The following DAB1 variants were observed in gnomAD, a reference collection of about 807,000 sequenced individuals.
DAB1 encodes DAB adaptor protein 1, also known as disabled homolog 1.
Under a neutral mutation model 64.6 loss-of-function variants are expected in DAB1, and 15 were observed. The ratio of observed to expected loss-of-function variants is 0.23; its 90% confidence interval spans 0.16 to 0.36. The LOEUF (loss-of-function observed/expected upper bound fraction) is 0.36. Among genes scored for constraint, DAB1 ranks in the 10% least tolerant of loss-of-function variants. The pLI is 1.00. For missense variants in DAB1, 596 were observed against 706.7 expected (o/e 0.84, Z 1.78); for synonymous variants, 235 against 251.9 (o/e 0.93, Z 0.64).
intron 6 of DAB1, among the ~76,000 whole-genome samples, chr1:57,752,121 ACC>A (rs1648585078): frequency 6.6e-6 from 1 of 152,216 alleles, no homozygotes; most frequent in South Asian, 2.1e-4. Context: ...GCGGATTCAA[ACC>A]CACAATCAAA....
intron 4 of DAB1, among the ~76,000 whole-genome samples, chr1:57,074,044 T>C (rs76889123): frequency 2.4e-3 from 366 of 152,176 alleles, no homozygotes; most frequent in South Asian, 7.7e-3. Flanking sequence ...AGCCGGCTCA[T>C]TTTTTTGTAG....
rs144191997 is a variant in DAB1, at chr1:58,351,689, T to C, written n.258-8286A>G. Among the ~76,000 whole-genome samples, 84 of 151,468 alleles carry C rather than the reference T, an allele frequency of 5.5e-4. 1 individual carries two copies. The highest frequency in any genetic ancestry group is 1.5e-3 in the African/African-American group (63 of 41,278). On this transcript the variant is annotated intron_variant and non_coding_transcript_variant, in intron 3 of 20. Coordinates refer to the DAB1 transcript ENST00000485760. ...GCCCATGCCAATCTAGAAAATGTGA[T>C]AGATTATCCCTTGGGGCAGTAACAT...
At chr1:58,373,069 T>C (rs1644282508) in intron 3 of DAB1, among the ~76,000 whole-genome samples, 1 of 152,178 alleles carries the variant, frequency 6.6e-6, no homozygotes, top group Non-Finnish European at 1.5e-5. Flanking sequence ...TATTTCTTAC[T>C]ACTTTTTGTA....
intron 6 of DAB1, among the ~76,000 whole-genome samples, chr1:57,653,451 T>C (rs953781996): frequency 6.6e-6 from 1 of 152,204 alleles, no homozygotes. Flanking sequence ...GTGTTTATAT[T>C]TTAGCCTAAT....
At position 57,072,512 on chromosome 1, in the gene DAB1, G is replaced by A. The variant is rs550686487; in HGVS notation, c.307-98C>T. On this transcript the variant is annotated intron_variant, in intron 4 of 14. Coordinates refer to ENST00000371236, the MANE Select transcript of DAB1 (RefSeq NM_001365792.1). ...GTTTCAGCTACGTGTGAACAGGCCC[G>A]AAGGGCTTTGGAAAAGCTGTTTAGT... is the stretch of plus-strand genomic sequence containing the variant. 44 of 1,355,230 alleles carry A rather than the reference G, an allele frequency of 3.2e-5. No individual in the cohort carries two copies. The African/African-American group carries it at 4.7e-4, about 14-fold the overall frequency. 84.0% of individuals were successfully genotyped at this position (1,355,230 alleles called of 1,614,324 possible). A position where few individuals can be genotyped will look rare whatever the true frequency, so the allele number is the denominator to read the frequency against.
intron 5 of DAB1, among the ~76,000 whole-genome samples, chr1:57,972,119 A>T (rs898528664): frequency 6.6e-6 from 1 of 152,250 alleles, no homozygotes; most frequent in Non-Finnish European, 1.5e-5. Context: ...TCAAAAGCAT[A>T]AGTTGATTCA....
intron 7 of DAB1, among the ~76,000 whole-genome samples, chr1:57,517,212 A>G (rs1253335631): frequency 1.3e-5 from 2 of 151,712 alleles, no homozygotes; most frequent in East Asian, 1.9e-4. Context: ...CCCAGGCTGG[A>G]GTACAGTGGT....
intron 6 of DAB1, among the ~76,000 whole-genome samples, chr1:57,699,417 C>T (rs1646882122): frequency 1.3e-5 from 2 of 152,192 alleles, no homozygotes; most frequent in African/African-American, 2.4e-5. Flanking sequence ...GGCTTACTTT[C>T]ACAGGATGAA....
At chr1:57,940,404 GCA>G (rs1201987561) in intron 5 of DAB1, among the ~76,000 whole-genome samples, 1 of 152,208 alleles carries the variant, frequency 6.6e-6, no homozygotes, top group African/African-American at 2.4e-5. Context: ...TCTAATGTCT[GCA>G]CCTTACCTTC....
intron 1 of DAB1, among the ~76,000 whole-genome samples, chr1:57,405,897 A>G (rs1210666757): frequency 6.6e-6 from 1 of 152,216 alleles, no homozygotes; most frequent in Admixed American, 6.5e-5. Context: ...ATTGCAGAGA[A>G]GGCTACACAA....
chr1:58,002,602 A>G (rs1646522552), intron 5 of DAB1, among the ~76,000 whole-genome samples: 1 of 152,168 alleles, frequency 6.6e-6, no homozygotes, highest in African/African-American at 2.4e-5. Context: ...TAATGCAAAG[A>G]TAACAGTTTC....
chr1:57,664,572 C>T (rs555960198), intron 6 of DAB1, among the ~76,000 whole-genome samples: 4 of 152,136 alleles, frequency 2.6e-5, no homozygotes, highest in African/African-American at 9.6e-5. Flanking sequence ...GTAATAAAAA[C>T]ATTAAAATTT....
intron 6 of DAB1, among the ~76,000 whole-genome samples, chr1:57,749,588 C>T (rs997368145): frequency 2.0e-5 from 3 of 152,108 alleles, no homozygotes; most frequent in Admixed American, 2.0e-4. Flanking sequence ...TCCAGTTGTC[C>T]ACAGTCCTCT....
chr1:58,344,935 CCTCT>C (rs1473319294), intron 3 of DAB1, among the ~76,000 whole-genome samples: 1 of 152,134 alleles, frequency 6.6e-6, no homozygotes, highest in Non-Finnish European at 1.5e-5. Flanking sequence ...GGTCTTTCAG[CCTCT>C]CTGTTATATG....
intron 3 of DAB1, among the ~76,000 whole-genome samples, chr1:58,455,303 G>A (rs1645183000): frequency 1.3e-5 from 2 of 152,252 alleles, no homozygotes; most frequent in Admixed American, 1.3e-4. Context: ...CTTCCACAGG[G>A]CGAGGGAGCT....
At chr1:58,114,723 G>A (rs1023397010) in intron 5 of DAB1, among the ~76,000 whole-genome samples, 2 of 152,160 alleles carry the variant, frequency 1.3e-5, no homozygotes, top group Non-Finnish European at 2.9e-5. Flanking sequence ...ACATTTTACA[G>A]CAGCAGACAC....
At chr1:58,351,418 G>A (rs944390479) in intron 3 of DAB1, among the ~76,000 whole-genome samples, 3 of 152,134 alleles carry the variant, frequency 2.0e-5, no homozygotes, top group African/African-American at 4.8e-5. Context: ...AAGGGGCCCT[G>A]ATAGATTTTG....
At chr1:58,038,705 C>G (rs914091848) in intron 5 of DAB1, among the ~76,000 whole-genome samples, 2 of 152,140 alleles carry the variant, frequency 1.3e-5, no homozygotes, top group African/African-American at 4.8e-5. Context: ...GAGAGCAAGC[C>G]TCACATCAGA....
chr1:57,080,345 A>G (rs1217665766), intron 4 of DAB1, among the ~76,000 whole-genome samples: 1 of 152,138 alleles, frequency 6.6e-6, no homozygotes, highest in Non-Finnish European at 1.5e-5. Flanking sequence ...TCTGAACTCC[A>G]CTGACTCCCT....
Sources: gnomAD v4.1 joint callset for allele counts (sites outside exome capture counted in the v4.1 genomes callset) on GRCh38, gnomAD v4.1.1 for gene constraint, MANE v1.5 for transcripts, NCBI Gene and HGNC (gene_info 2026-07-23, HGNC 2026-07-21) for gene names.